The following POU6F2 variants were observed in gnomAD, a reference collection of about 807,000 sequenced individuals.
POU6F2 encodes POU domain, class 6, transcription factor 2.
POU6F2 carries 31 observed loss-of-function variants against 71.3 expected under a neutral mutation model. That is an observed-to-expected ratio of 0.43 (90% CI 0.33 to 0.59). The LOEUF (loss-of-function observed/expected upper bound fraction) is 0.59. POU6F2 is among the 20% of genes least tolerant of loss of function. The probability of loss-of-function intolerance (pLI) is 0.04; values close to 1 mark genes in which losing one functional copy is unlikely to be tolerated. For missense variants in POU6F2, 783 were observed against 856.8 expected (o/e 0.91, Z 1.07); for synonymous variants, 347 against 355.7 (o/e 0.98, Z 0.27).
At chr7:39,321,569 CA>C (rs1456610955) in intron 4 of POU6F2, among the ~76,000 whole-genome samples, 2 of 152,064 alleles carry the variant, frequency 1.3e-5, no homozygotes, top group Admixed American at 6.6e-5. Flanking sequence ...TGTGGGGAGA[CA>C]GTGAAAATTA....
chr7:39,001,999 G>A (rs564818770), intron 1 of POU6F2: 25 of 152,238 alleles, frequency 1.6e-4, no homozygotes, highest in African/African-American at 5.5e-4. Context: ...CCACAATGGG[G>A]TTTAAAACTA....
chr7:39,360,949 A>C (rs1786376121), intron 5 of POU6F2, among the ~76,000 whole-genome samples: 1 of 152,196 alleles, frequency 6.6e-6, no homozygotes, highest in Non-Finnish European at 1.5e-5. Context: ...TTATCAGCAA[A>C]TGACCTGTAC....
At chr7:39,151,175 C>G (rs1192769715) in intron 2 of POU6F2, among the ~76,000 whole-genome samples, 1 of 152,110 alleles carries the variant, frequency 6.6e-6, no homozygotes, top group Non-Finnish European at 1.5e-5. Context: ...GGGTTTTCTG[C>G]TTCTTCTAGA....
chr7:39,277,476 C>T (rs933133661), intron 4 of POU6F2, among the ~76,000 whole-genome samples: 7 of 152,124 alleles, frequency 4.6e-5, no homozygotes, highest in African/African-American at 7.2e-5. Context: ...CAGGAGTTAA[C>T]TCCCACTTAT....
chr7:39,364,412 C>G, intron 5 of POU6F2, among the ~76,000 whole-genome samples: 1 of 152,100 alleles, frequency 6.6e-6, no homozygotes, highest in Non-Finnish European at 1.5e-5. Context: ...TATCCCTCAC[C>G]CCTTTTCCAC....
chr7:39,195,144 G>A (rs1320456302), intron 2 of POU6F2, among the ~76,000 whole-genome samples: 1 of 152,066 alleles, frequency 6.6e-6, no homozygotes, highest in Non-Finnish European at 1.5e-5. Context: ...TATTCCTATT[G>A]TCCCAATTAT....
At chr7:39,031,073 G>GT (rs150525396) in intron 1 of POU6F2, among the ~76,000 whole-genome samples, 1,607 of 151,880 alleles carry the variant, frequency 0.011, 30 homozygotes, top group African/African-American at 0.036. Flanking sequence ...GCTAATTTTT[G>GT]TATTTTTAGT....
chr7:39,370,345 C>T (rs1461343510), intron 5 of POU6F2, among the ~76,000 whole-genome samples: 1 of 152,128 alleles, frequency 6.6e-6, no homozygotes, highest in Non-Finnish European at 1.5e-5. Flanking sequence ...AAAGGATAAA[C>T]GGTGTAGGAA....
intron 1 of POU6F2, among the ~76,000 whole-genome samples, chr7:39,021,387 A>G (rs1789675735): frequency 6.6e-6 from 1 of 151,934 alleles, no homozygotes; most frequent in African/African-American, 2.4e-5. Flanking sequence ...TCTAATGGCA[A>G]GATCGAAACT....
intron 1 of POU6F2, among the ~76,000 whole-genome samples, chr7:39,026,655 A>G (rs1584506634): frequency 6.6e-6 from 1 of 152,086 alleles, no homozygotes; most frequent in South Asian, 2.1e-4. Flanking sequence ...ATGCTAAATG[A>G]CGAGTTAATG....
chr7:39,296,061 C>T (rs1024056533), intron 4 of POU6F2, among the ~76,000 whole-genome samples: 2 of 152,154 alleles, frequency 1.3e-5, no homozygotes, highest in African/African-American at 4.8e-5. Context: ...AAAGTCACAT[C>T]ATAGATTTAA....
At chr7:39,133,587 A>G (rs766333224) in intron 2 of POU6F2, among the ~76,000 whole-genome samples, 2 of 152,208 alleles carry the variant, frequency 1.3e-5, no homozygotes, top group Non-Finnish European at 2.9e-5. Flanking sequence ...CTCACAATCT[A>G]TAATTATCTT....
chr7:39,396,712 G>A (rs974089050), intron 5 of POU6F2, among the ~76,000 whole-genome samples: 8 of 151,992 alleles, frequency 5.3e-5, no homozygotes, highest in Non-Finnish European at 5.9e-5. Context: ...ACTCTCCAGC[G>A]CCTGGCCTCA....
At chr7:39,208,001 C>T (rs1183804023) in intron 4 of POU6F2, among the ~76,000 whole-genome samples, 1 of 152,090 alleles carries the variant, frequency 6.6e-6, no homozygotes, top group African/African-American at 2.4e-5. Context: ...TTAGAGGTTG[C>T]TTTTTTGTGT....
At chr7:39,219,805 A>G (rs1366341444) in intron 4 of POU6F2, among the ~76,000 whole-genome samples, 2 of 152,218 alleles carry the variant, frequency 1.3e-5, no homozygotes, top group Non-Finnish European at 2.9e-5. Context: ...ACACATTTTT[A>G]TGCATCTCAG....
At chr7:38,992,071 A>G (rs1788618615) in intron 1 of POU6F2, among the ~76,000 whole-genome samples, 1 of 152,066 alleles carries the variant, frequency 6.6e-6, no homozygotes, top group African/African-American at 2.4e-5. Context: ...CCTACTTCCC[A>G]TACAACTCCT....
chr7:39,454,656 A>C, intron 8 of POU6F2, among the ~76,000 whole-genome samples: 1 of 100 alleles, frequency 0.01, no homozygotes, highest in African/African-American at 0.024. Context: ...AAGACCAGGG[A>C]TATATATATA....
At chr7:39,284,947 C>T (rs1784626168) in intron 4 of POU6F2, among the ~76,000 whole-genome samples, 1 of 152,098 alleles carries the variant, frequency 6.6e-6, no homozygotes. Context: ...CCGTAGGATC[C>T]ACAAGAAGGC....
chr7:39,223,300 T>G (rs1009491805), intron 4 of POU6F2, among the ~76,000 whole-genome samples: 2 of 152,216 alleles, frequency 1.3e-5, no homozygotes, highest in South Asian at 4.1e-4. Context: ...GCCCTTCAAA[T>G]TGTAAATATC....
Sources: gnomAD v4.1 joint callset for allele counts (sites outside exome capture counted in the v4.1 genomes callset) on GRCh38, gnomAD v4.1.1 for gene constraint, MANE v1.5 for transcripts, NCBI Gene and HGNC (gene_info 2026-07-23, HGNC 2026-07-21) for gene names.